The following CNTN5 variants were observed in gnomAD, a reference collection of about 807,000 sequenced individuals.
The protein encoded by CNTN5 is contactin-5.
CNTN5 carries 77 observed loss-of-function variants against 129.1 expected under a neutral mutation model. The ratio of observed to expected loss-of-function variants is 0.60; its 90% CI spans 0.50 to 0.72. The LOEUF (loss-of-function observed/expected upper bound fraction) is 0.72. Among genes scored for constraint, CNTN5 ranks in the 30% least tolerant of loss-of-function variants. CNTN5 has a pLI of 0.00. For missense variants in CNTN5, 1,478 were observed against 1,328.8 expected (o/e 1.11, Z -1.75); for synonymous variants, 509 against 465.6 (o/e 1.09, Z -1.20).
chr11:99,740,763 G>A (rs1031894723), intron 3 of CNTN5, among the ~76,000 whole-genome samples: 1 of 152,096 alleles, frequency 6.6e-6, no homozygotes, highest in Non-Finnish European at 1.5e-5. Flanking sequence ...TAGTGAATTT[G>A]AACATTTTTA....
chr11:99,257,678 A>G (rs1301523028), intron 1 of CNTN5, among the ~76,000 whole-genome samples: 1 of 152,112 alleles, frequency 6.6e-6, no homozygotes, highest in African/African-American at 2.4e-5. Context: ...TTCTGAAGCC[A>G]AGGCAAGTTT....
chr11:99,817,804 C>T (rs1946642718), intron 3 of CNTN5, among the ~76,000 whole-genome samples: 1 of 151,976 alleles, frequency 6.6e-6, no homozygotes, highest in Non-Finnish European at 1.5e-5. Flanking sequence ...GACTTTATGT[C>T]TACCCATAAT....
chr11:100,173,925 T>A (rs1247343966), intron 13 of CNTN5, among the ~76,000 whole-genome samples: 1 of 152,062 alleles, frequency 6.6e-6, no homozygotes, highest in African/African-American at 2.4e-5. Context: ...GGAGAACAAA[T>A]GTGAAAAGAG....
intron 6 of CNTN5, among the ~76,000 whole-genome samples, chr11:99,862,104 G>A (rs572970502): frequency 1.3e-5 from 2 of 152,120 alleles, no homozygotes; most frequent in East Asian, 3.9e-4. Context: ...AAGACTAAAT[G>A]AATATTTAAA....
At chr11:99,248,454 C>T (rs1303804574) in intron 1 of CNTN5, among the ~76,000 whole-genome samples, 4 of 152,112 alleles carry the variant, frequency 2.6e-5, no homozygotes, top group African/African-American at 9.7e-5. Flanking sequence ...TGTGCAGAAG[C>T]TCTTTAGTTT....
intron 3 of CNTN5, among the ~76,000 whole-genome samples, chr11:99,647,340 A>G (rs1952003161): frequency 6.6e-6 from 1 of 152,106 alleles, no homozygotes; most frequent in Admixed American, 6.6e-5. Context: ...GTCAAAAATC[A>G]GTTGGCTACA....
At chr11:99,258,691 TAC>T (rs1555092681) in intron 1 of CNTN5, among the ~76,000 whole-genome samples, 9 of 152,070 alleles carry the variant, frequency 5.9e-5, no homozygotes, top group Non-Finnish European at 5.9e-5. Context: ...TGTCAAATTA[TAC>T]GTTGTATCTA....
rs577053974 is a variant in CNTN5, at chr11:99,090,665, A to G, written c.-210+69395A>G. Among the ~76,000 whole-genome samples the G allele has an allele frequency of 3.3e-5, 5 of 150,514 alleles. No homozygotes were observed. In the South Asian group the frequency reaches 1.0e-3, roughly 32 times the overall value. On this transcript the variant is annotated intron_variant, in intron 1 of 24. Transcript: ENST00000524871. ...CCTGAAAAAAAAAGAAATGTGTCAA[A>G]GGACAAAGTACTTCATACTGTCAGG...
At chr11:99,983,296 A>G (rs1160378631) in intron 8 of CNTN5, among the ~76,000 whole-genome samples, 1 of 152,174 alleles carries the variant, frequency 6.6e-6, no homozygotes, top group Non-Finnish European at 1.5e-5. Flanking sequence ...AAAGGCAAAA[A>G]TATGTGGCTG....
At chr11:99,792,604 G>A (rs1017267821) in intron 3 of CNTN5, among the ~76,000 whole-genome samples, 1 of 98,242 alleles carries the variant, frequency 1.0e-5, no homozygotes, top group Non-Finnish European at 2.1e-5. Flanking sequence ...TGTCTGCAAG[G>A]TTTTGGTATT....
intron 7 of CNTN5, among the ~76,000 whole-genome samples, chr11:99,947,252 A>G (rs1950573158): frequency 6.6e-6 from 1 of 151,714 alleles, no homozygotes; most frequent in African/African-American, 2.4e-5. Flanking sequence ...CCCAGCCAAA[A>G]CTTTCATGTT....
intron 1 of CNTN5, among the ~76,000 whole-genome samples, chr11:99,055,384 G>A (rs368468242): frequency 6.6e-6 from 1 of 152,030 alleles, no homozygotes; most frequent in Admixed American, 6.6e-5. Flanking sequence ...AAACAAGAAA[G>A]AGATTTCTCT....
intron 6 of CNTN5, among the ~76,000 whole-genome samples, chr11:99,848,746 A>T (rs1246785436): frequency 6.6e-6 from 1 of 152,068 alleles, no homozygotes; most frequent in African/African-American, 2.4e-5. Flanking sequence ...ATATGTTGTA[A>T]AATACCTTTT....
At chr11:99,828,446 A>G (rs1277359446) in intron 4 of CNTN5, among the ~76,000 whole-genome samples, 1 of 152,210 alleles carries the variant, frequency 6.6e-6, no homozygotes, top group Admixed American at 6.5e-5. Flanking sequence ...ATGGAAGGGC[A>G]GAGACAGTGA....
intron 3 of CNTN5, among the ~76,000 whole-genome samples, chr11:99,718,367 A>G (rs78586021): frequency 0.016 from 2,499 of 152,068 alleles, 72 homozygotes; most frequent in African/African-American, 0.055. Context: ...AATTTGTCTT[A>G]GCAGCAGCAT....
intron 1 of CNTN5, among the ~76,000 whole-genome samples, chr11:99,151,963 T>C (rs1400197119): frequency 1.3e-5 from 2 of 152,080 alleles, no homozygotes; most frequent in Non-Finnish European, 2.9e-5. Flanking sequence ...GGTACGTGTA[T>C]ACCTATGTAA....
intron 19 of CNTN5, 44 bp from the exon 20 acceptor site, chr11:100,299,118 A>T: frequency 7.9e-7 from 1 of 1,270,662 alleles, no homozygotes; most frequent in Non-Finnish European, 1.1e-6. Context: ...GTGGATTTTT[A>T]ATCAATCATT....
At chr11:99,170,330 G>A (rs1227301836) in intron 1 of CNTN5, among the ~76,000 whole-genome samples, 4 of 152,130 alleles carry the variant, frequency 2.6e-5, no homozygotes, top group Non-Finnish European at 4.4e-5. Flanking sequence ...CACAAAGGTC[G>A]CAGTCAGATG....
chr11:99,241,689 A>C (rs1244300034), intron 1 of CNTN5, among the ~76,000 whole-genome samples: 1 of 152,106 alleles, frequency 6.6e-6, no homozygotes, highest in Non-Finnish European at 1.5e-5. Flanking sequence ...TACGTCTATA[A>C]AAATAATTTG....
Sources: gnomAD v4.1 joint callset for allele counts (sites outside exome capture counted in the v4.1 genomes callset) on GRCh38, gnomAD v4.1.1 for gene constraint, MANE v1.5 for transcripts, NCBI Gene and HGNC (gene_info 2026-07-23, HGNC 2026-07-21) for gene names.